The following NTN1 variants were observed in gnomAD, a reference collection of about 807,000 sequenced individuals.
The protein encoded by NTN1 is netrin 1.
In NTN1, 11 loss-of-function variants were observed where a neutral mutation model predicts 54.2. The ratio of observed to expected loss-of-function variants is 0.20; its 90% confidence interval spans 0.13 to 0.34. The LOEUF (loss-of-function observed/expected upper bound fraction) is 0.34. Among genes scored for constraint, NTN1 ranks in the 10% least tolerant of loss-of-function variants. The probability of loss-of-function intolerance (pLI) is 1.00; values close to 1 mark genes in which losing one functional copy is unlikely to be tolerated. For missense variants in NTN1, 740 were observed against 893.1 expected (o/e 0.83, Z 2.18); for synonymous variants, 371 against 382.0 (o/e 0.97, Z 0.33).
intron 2 of NTN1, among the ~76,000 whole-genome samples, chr17:9,151,888 ACACCAATCAGCACTCTGTAAAATG>A (rs2092328589): frequency 6.6e-6 from 1 of 152,148 alleles, no homozygotes; most frequent in African/African-American, 2.4e-5. Flanking sequence ...TCTGTAAAAC[ACACCAATCAGCACTCTGTAAAATG>A]CACCAATCAG....
Position 9,224,968 on chromosome 17 carries a change from T to A in NTN1, c.1486+3726T>A, listed in dbSNP as rs76309777. On this transcript the variant is annotated intron_variant, in intron 6 of 6. Transcript: ENST00000173229. ...CCTGGGGGTGGTGTGGTGTTTCTGGTTCCAGGACTGTTCCTGGGACTCTTG... is the reference window on the plus strand; with the variant it reads ...CCTGGGGGTGGTGTGGTGTTTCTGGATCCAGGACTGTTCCTGGGACTCTTG... Among the ~76,000 whole-genome samples, 1,241 of 152,252 alleles carry A rather than the reference T, an allele frequency of 8.2e-3. 17 individuals carry two copies. The highest frequency in any genetic ancestry group is 0.028 in the African/African-American group (1,177 of 41,550).
chr17:9,231,526 A>G (rs540332988), intron 6 of NTN1, among the ~76,000 whole-genome samples: 1 of 152,166 alleles, frequency 6.6e-6, no homozygotes, highest in Non-Finnish European at 1.5e-5. Flanking sequence ...TAGAGAGTGC[A>G]TGGATGCTAA....
At position 9,177,949 on chromosome 17, in the gene NTN1, C is replaced by G. The variant is rs191850837; in HGVS notation, c.1208-1858C>G. 3.2e-3 allele frequency: 494 copies of G among 152,410 alleles called. 1 individual carries two copies. The highest frequency in any genetic ancestry group is 5.6e-3 in the Non-Finnish European group (383 of 68,094). 9.4% of individuals were successfully genotyped at this position (152,410 alleles called of 1,614,324 possible). On this transcript the variant is annotated intron_variant, in intron 3 of 6. Coordinates refer to ENST00000173229, the MANE Select transcript of NTN1 (RefSeq NM_004822.3). ...GTGGCTCACGCCTGTAATCCCAGCA[C>G]TTTGGGAGGCCAAGGCGGGCAGATC...
chr17:9,095,469 C>T (rs2092128349), intron 2 of NTN1, among the ~76,000 whole-genome samples: 1 of 152,244 alleles, frequency 6.6e-6, no homozygotes, highest in Admixed American at 6.5e-5. Context: ...CAGCCTTTCA[C>T]TTTGTCCATG....
rs547792030 is a variant in NTN1, at chr17:9,100,606, T to A, written c.1019-62207T>A. On this transcript the variant is annotated intron_variant, in intron 2 of 6. Coordinates refer to ENST00000173229, the MANE Select transcript of NTN1 (RefSeq NM_004822.3). ...ATGAGCCACTGCGCCTGGCCTTATCTGCATATGCATATCTTATCTGGTCAG... is the reference window on the plus strand; with the variant it reads ...ATGAGCCACTGCGCCTGGCCTTATCAGCATATGCATATCTTATCTGGTCAG... Among the ~76,000 whole-genome samples the A allele has an allele frequency of 3.9e-5, 6 of 152,302 alleles. No homozygotes were observed. In the South Asian group the frequency reaches 1.2e-3, roughly 32 times the overall value.
chr17:9,189,520 T>G (rs1428488187), intron 5 of NTN1, among the ~76,000 whole-genome samples: 1 of 151,998 alleles, frequency 6.6e-6, no homozygotes, highest in Non-Finnish European at 1.5e-5. Flanking sequence ...CCTGGCTAAT[T>G]TTTGTATTTT....
intron 2 of NTN1, among the ~76,000 whole-genome samples, chr17:9,129,088 C>T (rs528245964): frequency 1.1e-4 from 17 of 152,284 alleles, no homozygotes; most frequent in Admixed American, 9.8e-4. Context: ...CGCTCACTTT[C>T]GTTGCCTCGG....
intron 2 of NTN1, among the ~76,000 whole-genome samples, chr17:9,155,145 ACAGCTCTGGTCACCGTT>A (rs1481663163): frequency 2.6e-5 from 4 of 152,232 alleles, no homozygotes; most frequent in African/African-American, 9.6e-5. Flanking sequence ...GTTAGTCTTG[ACAGCTCTGGTCACCGTT>A]GAAAACAGTG....
At chr17:9,215,248 G>C (rs1042802114) in intron 5 of NTN1, among the ~76,000 whole-genome samples, 7 of 95,544 alleles carry the variant, frequency 7.3e-5, no homozygotes, top group East Asian at 8.7e-4. Flanking sequence ...TAGCTAGATA[G>C]ATACACACAC....
intron 3 of NTN1, among the ~76,000 whole-genome samples, chr17:9,166,445 G>A (rs1048108929): frequency 2.0e-5 from 3 of 149,972 alleles, no homozygotes; most frequent in African/African-American, 4.9e-5. Flanking sequence ...AGGTTCAAGC[G>A]ATTCTCCTGC....
intron 2 of NTN1, among the ~76,000 whole-genome samples, chr17:9,059,447 A>T (rs1423004273): frequency 6.6e-6 from 1 of 152,246 alleles, no homozygotes; most frequent in Admixed American, 6.5e-5. Flanking sequence ...TGGATAAACA[A>T]AATATGGTCT....
chr17:9,222,075 C>A (rs1905376763), intron 6 of NTN1, among the ~76,000 whole-genome samples: 1 of 152,240 alleles, frequency 6.6e-6, no homozygotes, highest in Non-Finnish European at 1.5e-5. Context: ...GAGGCCCCCA[C>A]CATAGGCCGG....
rs10650921 is a variant in NTN1, at chr17:9,234,964, G to GTTTTTT, written c.1487-4666_1487-4661dup. ...TTTTTTGTCTGTTTTTTGTTTTTTGGTTTTTTTTTTTTTTTGAGATGGAGT... is the reference window on the plus strand; with the variant it reads ...TTTTTTGTCTGTTTTTTGTTTTTTGGTTTTTTTTTTTTTTTTTTTTTGAGATGGAGT... On this transcript the variant is annotated intron_variant, in intron 6 of 6. Transcript: ENST00000173229. Among the ~76,000 whole-genome samples the GTTTTTT allele has an allele frequency of 1.8e-4, 24 of 130,078 alleles. 1 individual carries two copies. Among genetic ancestry groups the GTTTTTT allele is most frequent in the Admixed American group, 3.3e-4 (4 of 12,218 alleles). The allele number at this position is 130,078 out of a possible 152,430, so 85.3% of individuals were successfully genotyped here. A position where few individuals can be genotyped will look rare whatever the true frequency, so the allele number is the denominator to read the frequency against.
intron 2 of NTN1, among the ~76,000 whole-genome samples, chr17:9,026,393 G>GC (rs2091870700): frequency 6.7e-6 from 1 of 149,828 alleles, no homozygotes; most frequent in African/African-American, 2.5e-5. Context: ...ATTTCTTCCG[G>GC]GGGGGGGGAA....
intron 2 of NTN1, among the ~76,000 whole-genome samples, chr17:9,114,166 A>AAAATATATATATATATATATATAT (rs1555569108): frequency 1.3e-5 from 1 of 74,622 alleles, no homozygotes; most frequent in Non-Finnish European, 2.5e-5. Context: ...AAAAAAAAAA[A>AAAATATATATATATATATATATAT]ATATATATAT....
At position 9,165,256 on chromosome 17, in the gene NTN1, C is replaced by CTA. The variant is rs2092370377; in HGVS notation, c.1207+2256_1207+2257dup. ...GGGGCAGGGCCCTGGTCACCTCCAC[C>CTA]TACACCCTGTTGCTGTGGACAGGGA... is the stretch of plus-strand genomic sequence containing the variant. On this transcript the variant is annotated intron_variant, in intron 3 of 6. Transcript: ENST00000173229. The surrounding 1 kb of genome is among the most constrained non-coding windows in gnomAD (Gnocchi z 4.5). Among the ~76,000 whole-genome samples, 4 of 152,198 alleles carry CTA rather than the reference C, an allele frequency of 2.6e-5. No individual in the cohort carries two copies. The highest frequency in any genetic ancestry group is 6.5e-5 in the Admixed American group (1 of 15,276).
At chr17:9,200,431 A>G (rs752026712) in intron 5 of NTN1, among the ~76,000 whole-genome samples, 34 of 152,264 alleles carry the variant, frequency 2.2e-4, no homozygotes, top group Non-Finnish European at 4.7e-4. Flanking sequence ...AATGGAGGGC[A>G]CAGAGCTGTT....
chr17:9,180,034 T>A, intron 4 of NTN1, 78 bp downstream of exon 4: 1 of 1,466,820 alleles, frequency 6.8e-7, no homozygotes, highest in Non-Finnish European at 9.1e-7. Context: ...TAGTCACTGA[T>A]GTTCAGTGGG....
intron 2 of NTN1, among the ~76,000 whole-genome samples, chr17:9,092,239 G>A (rs2092113616): frequency 6.6e-6 from 1 of 150,430 alleles, no homozygotes; most frequent in Non-Finnish European, 1.5e-5. Flanking sequence ...CCCAAGTTGT[G>A]TAAATGTGTC....
Sources: allele counts gnomAD v4.1 joint callset (sites outside exome capture counted in the v4.1 genomes callset), GRCh38; gene constraint gnomAD v4.1.1; non-coding constraint Gnocchi (gnomAD v3.1); transcripts MANE v1.5; gene names NCBI Gene and HGNC (gene_info 2026-07-23, HGNC 2026-07-21).